Variants in NECTIN3 observed in about 807,000 individuals in gnomAD.
The protein encoded by NECTIN3 is nectin cell adhesion molecule 3, also known as nectin-3.
In NECTIN3, 8 loss-of-function variants were observed where a neutral mutation model predicts 49.4. That is an observed-to-expected ratio of 0.16 (90% CI 0.10 to 0.29). NECTIN3 has a LOEUF of 0.29. Among genes scored for constraint, NECTIN3 ranks in the 10% least tolerant of loss-of-function variants. NECTIN3 has a pLI of 1.00. For missense variants in NECTIN3, 581 were observed against 654.6 expected (o/e 0.89, Z 1.23); for synonymous variants, 277 against 241.1 (o/e 1.15, Z -1.38).
At chr3:111,128,042 A>G (rs1168888969) in intron 5 of NECTIN3, among the ~76,000 whole-genome samples, 1 of 152,196 alleles carries the variant, frequency 6.6e-6, no homozygotes, top group South Asian at 2.1e-4. Flanking sequence ...GTAATCATTT[A>G]AATATCAAGG....
At chr3:111,126,497 C>T (rs112704998) in intron 5 of NECTIN3, among the ~76,000 whole-genome samples, 162 bp downstream of exon 5, 31 of 152,048 alleles carry the variant, frequency 2.0e-4, no homozygotes, top group Non-Finnish European at 3.4e-4. Context: ...ATAATCCTAT[C>T]CTGAGATAGG....
At chr3:111,149,328 C>T in intron 7 of NECTIN3, among the ~76,000 whole-genome samples, 1 of 152,012 alleles carries the variant, frequency 6.6e-6, no homozygotes, top group East Asian at 1.9e-4. Flanking sequence ...TCTCTGTCTA[C>T]TTCAGAATTA....
Position 111,123,371 on chromosome 3 carries a change from CTTG to C in NECTIN3, c.917+1137_917+1139del, listed in dbSNP as rs1205536184. On this transcript the variant is annotated intron_variant, in intron 4 of 5. Transcript: ENST00000485303. ...TTTCATTATGTAGATATTTCTTAAT[CTTG>C]TTGGTTGTTTAGTCTTTCACAGTGA... Among the ~76,000 whole-genome samples the C allele has an allele frequency of 2.0e-5, 3 of 151,964 alleles. No homozygotes were observed. The East Asian group carries it at 5.8e-4, about 29-fold the overall frequency.
At chr3:111,124,273 A>G (rs2034072263) in intron 4 of NECTIN3, among the ~76,000 whole-genome samples, 1 of 152,078 alleles carries the variant, frequency 6.6e-6, no homozygotes, top group South Asian at 2.1e-4. Flanking sequence ...AACCCCTCTA[A>G]TCCTAAATTT....
chr3:111,138,546 T>C (rs1559804260), downstream of NECTIN3, among the ~76,000 whole-genome samples: 1 of 151,632 alleles, frequency 6.6e-6, no homozygotes, highest in Non-Finnish European at 1.5e-5. Context: ...ACCAAAATTG[T>C]TTACAAAAGT....
chr3:111,079,380 A>G (rs2031447141), intron 1 of NECTIN3, among the ~76,000 whole-genome samples: 1 of 151,960 alleles, frequency 6.6e-6, no homozygotes, highest in Non-Finnish European at 1.5e-5. Context: ...ATTTGTAGTT[A>G]ATAGTAAAAA....
At chr3:111,137,907 G>A (rs1239855985), downstream of NECTIN3, among the ~76,000 whole-genome samples, 1 of 150,556 alleles carries the variant, frequency 6.6e-6, no homozygotes, top group Non-Finnish European at 1.5e-5. Context: ...ATTAAGCCCA[G>A]CATGCATTAA....
intron 1 of NECTIN3, among the ~76,000 whole-genome samples, chr3:111,087,799 G>T (rs907817753): frequency 2.0e-5 from 3 of 151,680 alleles, no homozygotes; most frequent in Non-Finnish European, 4.4e-5. Context: ...CCAGGTTCAA[G>T]TTATTCTCTT....
Position 111,157,274 on chromosome 3 carries a change from A to G in NECTIN3, c.1221+9790A>G, listed in dbSNP as rs2035116861. Among the ~76,000 whole-genome samples, 3 of 151,870 alleles carry G rather than the reference A, an allele frequency of 2.0e-5. No homozygotes were observed. The East Asian group carries it at 6.1e-4, about 31-fold the overall frequency. On this transcript the variant is annotated intron_variant, in intron 7 of 8. Transcript: ENST00000493615. ...TAATGTGTCACAACTTACTTTCCTT[A>G]CCTTTGATTAATAGCAAAATACATA...
At chr3:111,139,360 A>G (rs2034683103), downstream of NECTIN3, among the ~76,000 whole-genome samples, 1 of 151,584 alleles carries the variant, frequency 6.6e-6, no homozygotes, top group Admixed American at 6.6e-5. Context: ...TTCCCTTGCA[A>G]TTTATTTCTT....
intron 7 of NECTIN3, among the ~76,000 whole-genome samples, chr3:111,167,408 G>A (rs2035339756): frequency 6.6e-6 from 1 of 152,142 alleles, no homozygotes; most frequent in South Asian, 2.1e-4. Flanking sequence ...ATTGAGAGTT[G>A]TAATAAAACA....
intron 6 of NECTIN3, chr3:111,145,097 T>A: frequency 6.8e-7 from 1 of 1,462,812 alleles, no homozygotes. Flanking sequence ...AATCTTTATG[T>A]TTACCTTTAC....
intron 7 of NECTIN3, among the ~76,000 whole-genome samples, chr3:111,160,986 G>A (rs1020548332): frequency 2.0e-5 from 3 of 152,162 alleles, no homozygotes; most frequent in African/African-American, 4.8e-5. Flanking sequence ...CAGCCTGGAC[G>A]ACAGAACGAG....
rs908692139 is a variant in NECTIN3 at position 111,137,272 on chromosome 3, T to A, written c.*3057T>A. The A allele has an allele frequency of 3.1e-6, 3 of 953,862 alleles. No homozygotes were observed. The highest frequency in any genetic ancestry group is 3.7e-6 in the Non-Finnish European group (3 of 801,482). The allele number at this position is 953,862 out of a possible 1,614,324, so 59.1% of individuals were successfully genotyped here. A position where few individuals can be genotyped will look rare whatever the true frequency, so the allele number is the denominator to read the frequency against. ...AATGGTACCCATTTTGAATTTTTAATTCTAATAGGAGAGTAGATTGTAGAT... is the reference window on the plus strand; with the variant it reads ...AATGGTACCCATTTTGAATTTTTAAATCTAATAGGAGAGTAGATTGTAGAT... On this transcript the variant is annotated 3_prime_UTR_variant, in exon 6 of 6. Coordinates refer to ENST00000485303, the MANE Select transcript of NECTIN3 (RefSeq NM_015480.3).
chr3:111,116,870 G>T (rs1295538981), intron 2 of NECTIN3, among the ~76,000 whole-genome samples: 1 of 152,010 alleles, frequency 6.6e-6, no homozygotes, highest in South Asian at 2.1e-4. Flanking sequence ...AATATCAGCT[G>T]GTGAGTATAT....
intron 1 of NECTIN3, among the ~76,000 whole-genome samples, chr3:111,108,822 A>G (rs910189505): frequency 6.6e-6 from 1 of 152,186 alleles, no homozygotes; most frequent in African/African-American, 2.4e-5. Context: ...CCACAGGGAC[A>G]GCACCAAGCT....
At chr3:111,192,967 C>G (rs2035839242) in intron 1 of NECTIN3, among the ~76,000 whole-genome samples, 1 of 152,098 alleles carries the variant, frequency 6.6e-6, no homozygotes, top group Non-Finnish European at 1.5e-5. Context: ...ATCCCAGTCC[C>G]CATTAGTCAC....
chr3:111,111,917 G>C, intron 1 of NECTIN3, 113 bp from the exon 2 acceptor site: 1 of 629,268 alleles, frequency 1.6e-6, no homozygotes. Context: ...GTGTGTGTGT[G>C]TGTGTGTGTG....
intron 5 of NECTIN3, among the ~76,000 whole-genome samples, chr3:111,132,999 A>G (rs958674977): frequency 1.6e-4 from 24 of 151,788 alleles, no homozygotes; most frequent in African/African-American, 3.9e-4. Flanking sequence ...TGTTTACTAT[A>G]TATCTCCTTC....
Sources: allele counts gnomAD v4.1 joint callset (sites outside exome capture counted in the v4.1 genomes callset), GRCh38; gene constraint gnomAD v4.1.1; transcripts MANE v1.5; gene names NCBI Gene and HGNC (gene_info 2026-07-23, HGNC 2026-07-21).